The following THADA variants were observed in gnomAD, a reference collection of about 807,000 sequenced individuals.
THADA encodes tRNA (32-2'-O)-methyltransferase regulator THADA.
In THADA, 213 loss-of-function variants were observed where a neutral mutation model predicts 219.8. The ratio of observed to expected loss-of-function variants is 0.97; its 90% confidence interval spans 0.87 to 1.09. THADA has a LOEUF of 1.09. Ranked by LOEUF, THADA falls within the 50% of genes least tolerant of loss-of-function variation. The probability of loss-of-function intolerance (pLI) is 0.00; values close to 1 mark genes in which losing one functional copy is unlikely to be tolerated. For synonymous variants in THADA, 1,018 were observed against 828.9 expected (o/e 1.23, Z -3.92); for missense variants, 2,956 against 2,311.3 (o/e 1.28, Z -5.72).
intron 16 of THADA, among the ~76,000 whole-genome samples, chr2:43,558,255 G>A (rs888114240): frequency 4.6e-5 from 7 of 152,122 alleles, no homozygotes; most frequent in African/African-American, 1.7e-4. Flanking sequence ...GTATGTACAC[G>A]TCCTTAGAGA....
chr2:43,483,091 C>T (rs992394790), intron 26 of THADA, among the ~76,000 whole-genome samples: 4 of 152,244 alleles, frequency 2.6e-5, no homozygotes, highest in Middle Eastern at 3.4e-3. Flanking sequence ...TTCCCTCTGA[C>T]CAAGAACACA....
chr2:43,551,002 G>A (rs916318250), intron 19 of THADA, among the ~76,000 whole-genome samples: 1 of 152,084 alleles, frequency 6.6e-6, no homozygotes, highest in African/African-American at 2.4e-5. Context: ...CTAACAACAG[G>A]CTAAATAAAT....
At chr2:43,483,673 C>T (rs2105007515) in intron 26 of THADA, among the ~76,000 whole-genome samples, 1 of 151,970 alleles carries the variant, frequency 6.6e-6, no homozygotes, top group East Asian at 1.9e-4. Context: ...TGTATAGTAT[C>T]ACTGCCCTAT....
rs376657457 is a variant in THADA at position 43,554,609 on chromosome 2, A to G, written c.2674+1736T>C. 1.8e-4 allele frequency among the ~76,000 whole-genome samples: 27 copies of G among 152,266 alleles called. No individual in the cohort carries two copies. In the East Asian group the frequency reaches 3.1e-3, roughly 17 times the overall value. On this transcript the variant is annotated intron_variant, in intron 17 of 37. Coordinates refer to ENST00000405975, the MANE Select transcript of THADA (RefSeq NM_022065.5). Reference sequence around the variant, plus strand: ...AAATGTAAGATGAAACCACAATGAGATATCGTTTTATATTATATAAATTTT... The same window carrying G: ...AAATGTAAGATGAAACCACAATGAGGTATCGTTTTATATTATATAAATTTT...
intron 31 of THADA, among the ~76,000 whole-genome samples, chr2:43,297,853 C>G (rs1182103181): frequency 5.8e-5 from 7 of 119,750 alleles, no homozygotes; most frequent in African/African-American, 2.4e-4. Context: ...CCCGGCCAGC[C>G]GCCCCGTCCG....
At chr2:43,546,544 C>CTGGGTGCTCCTGCAT (rs1226938925) in intron 20 of THADA, among the ~76,000 whole-genome samples, 4 of 152,130 alleles carry the variant, frequency 2.6e-5, no homozygotes, top group African/African-American at 9.7e-5. Flanking sequence ...CTTTATGAAT[C>CTGGGTGCTCCTGCAT]TGGGTGCTCC....
chr2:43,432,211 C>T (rs992013942), intron 26 of THADA, among the ~76,000 whole-genome samples: 9 of 151,808 alleles, frequency 5.9e-5, no homozygotes, highest in Admixed American at 3.9e-4. Context: ...AGGATGGTCT[C>T]GATCTCCTGA....
chr2:43,316,513 A>T (rs1678098914), intron 31 of THADA, among the ~76,000 whole-genome samples: 1 of 152,228 alleles, frequency 6.6e-6, no homozygotes, highest in Admixed American at 6.5e-5. Context: ...TTTCCTAGGA[A>T]AGCAGGCATT....
At chr2:43,493,409 C>T (rs1389387235) in intron 25 of THADA, among the ~76,000 whole-genome samples, 17 of 152,072 alleles carry the variant, frequency 1.1e-4, no homozygotes, top group African/African-American at 3.9e-4. Flanking sequence ...GCAGGAGAAT[C>T]GCTTGAACCC....
At chr2:43,348,869 A>G (rs1667939066) in intron 29 of THADA, among the ~76,000 whole-genome samples, 1 of 152,188 alleles carries the variant, frequency 6.6e-6, no homozygotes, top group African/African-American at 2.4e-5. Context: ...CTTCAGGGAC[A>G]AAAGGGAGCT....
chr2:43,564,627 A>G (rs881476), intron 15 of THADA: 52,569 of 152,110 alleles, frequency 0.35, 9,432 homozygotes, highest in African/African-American at 0.43. Context: ...CAGCTTCTAA[A>G]GATTTGATGT....
intron 31 of THADA, among the ~76,000 whole-genome samples, chr2:43,317,450 G>A (rs1230135143): frequency 6.6e-6 from 1 of 152,170 alleles, no homozygotes; most frequent in Admixed American, 6.5e-5. Context: ...GAGCTTATAT[G>A]CTAAAACTAT....
chr2:43,438,086 G>C (rs1002147920), intron 26 of THADA, among the ~76,000 whole-genome samples: 1 of 152,026 alleles, frequency 6.6e-6, no homozygotes, highest in Non-Finnish European at 1.5e-5. Flanking sequence ...CAGATCACGA[G>C]GTCAGGAGAT....
At chr2:43,583,565 T>C (rs1413396568) in intron 7 of THADA, among the ~76,000 whole-genome samples, 2 of 152,202 alleles carry the variant, frequency 1.3e-5, no homozygotes, top group South Asian at 2.1e-4. Flanking sequence ...CCTACGTATA[T>C]ACCCAAAAGA....
chr2:43,301,714 G>T (rs150068336), intron 31 of THADA, among the ~76,000 whole-genome samples: 1 of 152,164 alleles, frequency 6.6e-6, no homozygotes, highest in African/African-American at 2.4e-5. Context: ...CATGTCAGGG[G>T]ACACTTGACC....
intron 26 of THADA, among the ~76,000 whole-genome samples, chr2:43,458,804 C>A (rs1683304959): frequency 6.6e-6 from 1 of 152,030 alleles, no homozygotes; most frequent in Non-Finnish European, 1.5e-5. Context: ...TTTGAGATTC[C>A]TAAAGGGGGA....
At chr2:43,478,277 C>G (rs1685781619) in intron 26 of THADA, among the ~76,000 whole-genome samples, 1 of 152,160 alleles carries the variant, frequency 6.6e-6, no homozygotes, top group Non-Finnish European at 1.5e-5. Context: ...TTACTCAAAT[C>G]AGTAGTTACA....
intron 32 of THADA, 95 bp downstream of exon 32, chr2:43,292,739 T>G: frequency 1.3e-6 from 2 of 1,497,972 alleles, no homozygotes; most frequent in Non-Finnish European, 1.8e-6. Flanking sequence ...CTGGAGAGCC[T>G]AAACCCAATC....
At chr2:43,273,267 CAACAAAAAA>C (rs1672337243) in intron 36 of THADA, among the ~76,000 whole-genome samples, 1 of 116,480 alleles carries the variant, frequency 8.6e-6, no homozygotes. Flanking sequence ...ACAACAACAA[CAACAAAAAA>C]AAAAAAAAGA....
Sources: allele counts gnomAD v4.1 joint callset (sites outside exome capture counted in the v4.1 genomes callset), GRCh38; gene constraint gnomAD v4.1.1; transcripts MANE v1.5; gene names NCBI Gene and HGNC (gene_info 2026-07-23, HGNC 2026-07-21).